Variants in PNPLA3 observed in about 807,000 individuals in gnomAD.
PNPLA3 encodes the protein patatin like domain 3, 1-acylglycerol-3-phosphate O-acyltransferase.
PNPLA3 carries 42 observed loss-of-function variants against 43.1 expected under a neutral mutation model. The ratio of observed to expected loss-of-function variants is 0.97; its 90% CI spans 0.76 to 1.26. The LOEUF is 1.26. Among genes scored for constraint, PNPLA3 ranks in the 50% most tolerant of loss-of-function variants. PNPLA3 has a pLI of 0.00. For synonymous variants in PNPLA3, 272 were observed against 253.6 expected, an observed-to-expected ratio of 1.07 and a Z score of -0.69; for missense variants, 647 against 621.4, an observed-to-expected ratio of 1.04 and a Z score of -0.44.
intron 2 of PNPLA3, among the ~76,000 whole-genome samples, chr22:43,928,263 A>G (rs2049938166): frequency 6.6e-6 from 1 of 152,178 alleles, no homozygotes; most frequent in African/African-American, 2.4e-5. Flanking sequence ...GTCTGTTCCC[A>G]CATGGGTCCG....
intron 3 of PNPLA3, among the ~76,000 whole-genome samples, chr22:43,931,728 C>T (rs757151435): frequency 3.9e-5 from 6 of 152,182 alleles, no homozygotes; most frequent in Non-Finnish European, 7.3e-5. Context: ...GTTGCCCAGG[C>T]TGGTCTCGAA....
chr22:43,929,978 C>G (rs2049951445), intron 3 of PNPLA3, among the ~76,000 whole-genome samples: 2 of 152,184 alleles, frequency 1.3e-5, no homozygotes, highest in Non-Finnish European at 2.9e-5. Context: ...TGTTTTGCCA[C>G]TTTGTGATGC....
At position 43,927,265 on chromosome 22, in the gene PNPLA3, G is replaced by A. The variant is rs868400571; in HGVS notation, c.420+98G>A. ...TGTCATCCCGGCACTTTGGGAGGCC[G>A]AAGCGGGTGGGTTGCTTGAGCCCAG... On this transcript the variant is annotated intron_variant, in intron 2 of 8. Transcript: ENST00000216180. 27 of 1,098,486 alleles carry A rather than the reference G, an allele frequency of 2.5e-5. 1 individual carries two copies. Among genetic ancestry groups the A allele is most frequent in the East Asian group, 5.1e-5 (2 of 39,552 alleles). The allele number at this position is 1,098,486 out of a possible 1,614,324, so 68.0% of individuals were successfully genotyped here.
chr22:43,943,135 G>A (rs1361674078), intron 7 of PNPLA3, among the ~76,000 whole-genome samples: 1 of 152,102 alleles, frequency 6.6e-6, no homozygotes, highest in Non-Finnish European at 1.5e-5. Context: ...GTACTCTCTT[G>A]TTCTTTTTTC....
intron 5 of PNPLA3, among the ~76,000 whole-genome samples, chr22:43,935,782 T>C (rs527534269): frequency 2.2e-4 from 33 of 151,810 alleles, no homozygotes; most frequent in African/African-American, 7.5e-4. Context: ...AGGCTGGGCC[T>C]TTTGGATACA....
chr22:43,943,857 C>T (rs1053244235), intron 7 of PNPLA3, among the ~76,000 whole-genome samples: 1 of 152,076 alleles, frequency 6.6e-6, no homozygotes, highest in African/African-American at 2.4e-5. Context: ...GTCGCGATCT[C>T]AGCTCACTGC....
chr22:43,940,546 C>T (rs1380847895), intron 7 of PNPLA3, among the ~76,000 whole-genome samples: 11 of 152,352 alleles, frequency 7.2e-5, no homozygotes, highest in African/African-American at 2.6e-4. Context: ...CCGTGGCTCA[C>T]GGCTGTAATC....
chr22:43,946,270 C>T lies in PNPLA3; in HGVS notation c.1334C>T (p.Thr445Ile), dbSNP rs141084368. The T allele has an allele frequency of 8.1e-6, 13 of 1,614,028 alleles. No homozygotes were observed. The African/African-American group carries it at 1.6e-4, about 20-fold the overall frequency. The change falls in exon 9 of 9, where the codon ACC becomes ATC. Residue 445 changes from threonine (T) to isoleucine (I), a missense_variant. Transcript: ENST00000216180. ...GCPAETKAEATPRSILRSSLN... is the reference protein window; with the variant it reads ...GCPAETKAEAIPRSILRSSLN... The stretch of plus-strand genomic sequence containing the variant: ...CCAGCAGAGACCAAAGCAGAGGCCA[C>T]CCCGCGGTCCATCCTCAGGTCCAGC...
At chr22:43,940,379 C>A (rs1471752966) in intron 7 of PNPLA3, among the ~76,000 whole-genome samples, 1 of 152,204 alleles carries the variant, frequency 6.6e-6, no homozygotes, top group Non-Finnish European at 1.5e-5. Context: ...AGCAGCTGGT[C>A]CAGTCTCTTG....
Position 43,926,985 on chromosome 22 carries a change from A to C in PNPLA3, c.238A>C (p.Asn80His). The C allele has an allele frequency of 6.2e-7, 1 of 1,614,208 alleles. No homozygotes were observed. Among genetic ancestry groups the C allele is most frequent in the Non-Finnish European group, 8.5e-7 (1 of 1,180,038 alleles). Reference sequence around the variant, plus strand: ...TCTTGTGCGGAAGGCCAGGAGTCGGAACATTGGCATCTTCCATCCATCCTT... The same window carrying C: ...TCTTGTGCGGAAGGCCAGGAGTCGGCACATTGGCATCTTCCATCCATCCTT... ...SDLVRKARSRNIGIFHPSFNL... is the reference protein window; with the variant it reads ...SDLVRKARSRHIGIFHPSFNL... The change falls in exon 2 of 9, where the codon AAC (asparagine) becomes CAC (histidine). Residue 80 changes from asparagine to histidine, a missense_variant. Coordinates refer to ENST00000216180, the MANE Select transcript of PNPLA3 (RefSeq NM_025225.3).
chr22:43,942,791 C>T (rs1040778019), intron 7 of PNPLA3, among the ~76,000 whole-genome samples: 1 of 148,234 alleles, frequency 6.7e-6, no homozygotes, highest in African/African-American at 2.5e-5. Context: ...CAGCCTGAAC[C>T]TCCCAGACTC....
intron 4 of PNPLA3, 32 bp downstream of exon 4, chr22:43,933,119 G>C: frequency 6.3e-7 from 1 of 1,591,832 alleles, no homozygotes; most frequent in Non-Finnish European, 8.6e-7. Flanking sequence ...AGGTGTTCTG[G>C]GGTGCAGCTC....
intron 7 of PNPLA3, among the ~76,000 whole-genome samples, chr22:43,941,109 A>T (rs1380671132): frequency 7.3e-6 from 1 of 136,952 alleles, no homozygotes; most frequent in East Asian, 2.3e-4. Context: ...AGATCATGCC[A>T]CTGCACTCTA....
At chr22:43,938,513 G>C (rs530207953) in intron 6 of PNPLA3, among the ~76,000 whole-genome samples, 3 of 152,316 alleles carry the variant, frequency 2.0e-5, no homozygotes, top group East Asian at 3.9e-4. Context: ...CGGGAAGCAT[G>C]CACATCCCAT....
At chr22:43,939,765 G>C (rs760684154) in intron 6 of PNPLA3, among the ~76,000 whole-genome samples, 1 of 150,548 alleles carries the variant, frequency 6.6e-6, no homozygotes, top group Non-Finnish European at 1.5e-5. Context: ...GCAGTGAGCC[G>C]AGATTGCGCC....
At chr22:43,924,188 T>A in intron 1 of PNPLA3, 90 bp downstream of exon 1, 1 of 1,321,400 alleles carries the variant, frequency 7.6e-7, no homozygotes, top group Non-Finnish European at 9.7e-7. Context: ...CGCGGGGCCC[T>A]GGAGGAGCGG....
At chr22:43,932,256 C>T (rs1398126026) in intron 3 of PNPLA3, among the ~76,000 whole-genome samples, 1 of 152,156 alleles carries the variant, frequency 6.6e-6, no homozygotes, top group Admixed American at 6.5e-5. Context: ...AATAATTTAT[C>T]CAAAATGCTG....
In PNPLA3 at chr22:43,924,011, C is replaced by T. The variant is rs779569571; in HGVS notation, c.100C>T (p.Pro34Ser). 4 of 1,584,868 alleles carry T rather than the reference C, an allele frequency of 2.5e-6. No homozygotes were observed. The highest frequency in any genetic ancestry group is 3.4e-6 in the Non-Finnish European group (4 of 1,174,230). Residue 34 changes from proline (P) to serine (S), a missense_variant, in exon 1 of 9, where the codon CCG (proline) becomes TCG (serine). By Grantham distance (74) the Pro-to-Ser change is moderately conservative. Coordinates refer to ENST00000216180, the MANE Select transcript of PNPLA3 (RefSeq NM_025225.3). ...GACCCGCTGCCTGAGCGAGCACGCCCCGCACCTCCTCCGCGACGCGCGCAT... is the reference window on the plus strand; with the variant it reads ...GACCCGCTGCCTGAGCGAGCACGCCTCGCACCTCCTCCGCGACGCGCGCAT... ...GATRCLSEHA[P>S]HLLRDARMLF...
At chr22:43,945,941 C>T (rs1031979670) in intron 8 of PNPLA3, among the ~76,000 whole-genome samples, 9 of 152,150 alleles carry the variant, frequency 5.9e-5, no homozygotes, top group Middle Eastern at 3.2e-3. Context: ...TGGGAGGTGT[C>T]CAGGTAGCTG....
Sources: gnomAD v4.1 joint callset for allele counts (sites outside exome capture counted in the v4.1 genomes callset) on GRCh38, gnomAD v4.1.1 for gene constraint, MANE v1.5 for transcripts, NCBI Gene and HGNC (gene_info 2026-07-23, HGNC 2026-07-21) for gene names.